WDPCP: variants seen among roughly 807,000 people sequenced by gnomAD.
The protein encoded by WDPCP is WD repeat containing planar cell polarity effector.
In WDPCP, 71 loss-of-function variants were observed where a neutral mutation model predicts 93.1. That is an observed-to-expected ratio of 0.76 (90% CI 0.63 to 0.93). WDPCP has a LOEUF of 0.93. WDPCP is among the 40% of genes least tolerant of loss of function. The probability of loss-of-function intolerance (pLI) is 0.00; values close to 1 mark genes in which losing one functional copy is unlikely to be tolerated. For synonymous variants in WDPCP, 315 were observed against 315.0 expected (o/e 1.00, Z 0.00); for missense variants, 844 against 887.4 (o/e 0.95, Z 0.62).
At chr2:63,604,000 T>C (rs935465219) in intron 3 of WDPCP, among the ~76,000 whole-genome samples, 1 of 152,238 alleles carries the variant, frequency 6.6e-6, no homozygotes, top group Non-Finnish European at 1.5e-5. Context: ...CTGTACTACA[T>C]GTGATTGCAA....
chr2:63,588,379 CCA>C lies in WDPCP; in HGVS notation c.-110_-109del, dbSNP rs1553442702. 12 of 1,299,880 alleles carry C rather than the reference CCA, an allele frequency of 9.2e-6. No individual in the cohort carries two copies. The highest frequency in any genetic ancestry group is 5.0e-5 in the East Asian group (2 of 39,798). 80.5% of individuals were successfully genotyped at this position (1,299,880 alleles called of 1,614,324 possible). A position where few individuals can be genotyped will look rare whatever the true frequency, so the allele number is the denominator to read the frequency against. On this transcript the variant is annotated 5_prime_UTR_variant, in exon 1 of 18. Coordinates refer to ENST00000272321, the MANE Select transcript of WDPCP (RefSeq NM_015910.7). ...GGTCTCCAGGACGCCGCCGCCGCCGCCACAGTTTCCTCAGGTGCTACAAAGCA... is the reference window on the plus strand; with the variant it reads ...GGTCTCCAGGACGCCGCCGCCGCCGCCAGTTTCCTCAGGTGCTACAAAGCA...
intron 7 of WDPCP, among the ~76,000 whole-genome samples, chr2:63,438,779 G>A (rs1257974883): frequency 6.6e-6 from 1 of 152,098 alleles, no homozygotes; most frequent in African/African-American, 2.4e-5. Flanking sequence ...GAACACAGCA[G>A]ACGGAAGATT....
At chr2:63,798,642 C>G (rs1000219453) in intron 2 of WDPCP, among the ~76,000 whole-genome samples, 1 of 151,734 alleles carries the variant, frequency 6.6e-6, no homozygotes, top group East Asian at 1.9e-4. Flanking sequence ...AATAGGAAGA[C>G]AGGAAGGAAA....
intron 12 of WDPCP, among the ~76,000 whole-genome samples, chr2:63,317,401 T>A (rs1482436163): frequency 6.7e-5 from 5 of 74,432 alleles, no homozygotes; most frequent in African/African-American, 2.2e-4. Context: ...AAAGTGAAAC[T>A]ACATCTCAAA....
chr2:63,428,744 T>C (rs1205440151), intron 9 of WDPCP, among the ~76,000 whole-genome samples: 1 of 151,754 alleles, frequency 6.6e-6, no homozygotes, highest in African/African-American at 2.4e-5. Context: ...TCACGCAAGA[T>C]TTTTCTACAC....
At position 63,622,059 on chromosome 2, in the gene WDPCP, C is replaced by CT. The variant is rs1558868596; in HGVS notation, n.488+28599dup. 28 of 543,878 alleles carry CT rather than the reference C, an allele frequency of 5.1e-5. No individual in the cohort carries two copies. The African/African-American group carries it at 7.3e-4, about 14-fold the overall frequency. The allele number at this position is 543,878 out of a possible 1,614,324, so 33.7% of individuals were successfully genotyped here. On this transcript the variant is annotated intron_variant and non_coding_transcript_variant, in intron 3 of 4. Coordinates refer to the WDPCP transcript ENST00000467687. ...CTCCCCTCACCCCTCAACATTCTTTCTTTTTTCTTTTTTTTTTTTTTTTTT... is the reference window on the plus strand; with the variant it reads ...CTCCCCTCACCCCTCAACATTCTTTCTTTTTTTCTTTTTTTTTTTTTTTTTT...
At chr2:63,227,781 G>C (rs900342742) in intron 14 of WDPCP, among the ~76,000 whole-genome samples, 1 of 152,072 alleles carries the variant, frequency 6.6e-6, no homozygotes, top group South Asian at 2.1e-4. Context: ...TGTGCTAATA[G>C]TAGTTATTTT....
intron 1 of WDPCP, 148 bp downstream of exon 1, chr2:63,588,049 C>A: frequency 1.0e-6 from 1 of 966,994 alleles, no homozygotes; most frequent in South Asian, 1.4e-5. Flanking sequence ...TAGCTGCATT[C>A]CCACAGCCCT....
rs1668997005 is a variant in WDPCP at position 63,698,660 on chromosome 2, T to A, written n.309-47822A>T. 2.6e-5 allele frequency among the ~76,000 whole-genome samples: 4 copies of A among 152,326 alleles called. No individual in the cohort carries two copies. In the South Asian group the frequency reaches 8.3e-4, roughly 32 times the overall value. On this transcript the variant is annotated intron_variant and non_coding_transcript_variant, in intron 2 of 4. Transcript: ENST00000467687. ...AGGAAATTTCACAAGTCATTTAAAA[T>A]TTAGTCACAGAATTTCCTGGCTAGC...
intron 9 of WDPCP, among the ~76,000 whole-genome samples, chr2:63,430,621 T>C (rs1810333): frequency 0.48 from 72,688 of 152,122 alleles, 17,963 homozygotes; most frequent in African/African-American, 0.6. Flanking sequence ...TGGTGGCTCA[T>C]GCCTGTAATC....
intron 3 of WDPCP, among the ~76,000 whole-genome samples, chr2:63,638,597 C>T (rs1376382955): frequency 6.6e-6 from 1 of 151,906 alleles, no homozygotes; most frequent in Admixed American, 6.6e-5. Context: ...TGAGACCAGT[C>T]TGGGCAATAT....
At chr2:63,296,409 A>C (rs1186084589) in intron 13 of WDPCP, among the ~76,000 whole-genome samples, 1 of 152,160 alleles carries the variant, frequency 6.6e-6, no homozygotes, top group Admixed American at 6.5e-5. Flanking sequence ...CACTCTCAGC[A>C]CTACTATTCA....
chr2:63,766,898 C>T (rs1005864025), intron 2 of WDPCP, among the ~76,000 whole-genome samples: 1 of 152,082 alleles, frequency 6.6e-6, no homozygotes, highest in African/African-American at 2.4e-5. Flanking sequence ...CAATAACTCC[C>T]ATTCCCTTCT....
chr2:63,121,869 A>C lies in WDPCP; in HGVS notation c.*137T>G. The C allele has an allele frequency of 6.8e-7, 1 of 1,463,230 alleles. No homozygotes were observed. Among genetic ancestry groups the C allele is most frequent in the Non-Finnish European group, 9.1e-7 (1 of 1,103,728 alleles). 90.6% of individuals were successfully genotyped at this position (1,463,230 alleles called of 1,614,324 possible). ...ATAAAACTTTATTTTGAAAACAAAC[A>C]CTCAACTCAAAACTCTTAACTAATT... On this transcript the variant is annotated 3_prime_UTR_variant, in exon 18 of 18. Transcript: ENST00000272321.
At chr2:63,412,874 G>C (rs1010445520) in intron 9 of WDPCP, among the ~76,000 whole-genome samples, 28 of 151,840 alleles carry the variant, frequency 1.8e-4, no homozygotes, top group African/African-American at 6.8e-4. Context: ...AATCATAGAT[G>C]ACACAAACAA....
chr2:63,539,608 C>T (rs1299184804), intron 1 of WDPCP, among the ~76,000 whole-genome samples: 1 of 152,084 alleles, frequency 6.6e-6, no homozygotes, highest in African/African-American at 2.4e-5. Flanking sequence ...AGCATTTGAA[C>T]TTGGGAGGAG....
intron 13 of WDPCP, among the ~76,000 whole-genome samples, chr2:63,292,058 G>A (rs1398082881): frequency 6.1e-5 from 9 of 148,128 alleles, no homozygotes; most frequent in South Asian, 4.3e-4. Flanking sequence ...GCGTGAACCC[G>A]GGAGGTGGAG....
intron 3 of WDPCP, among the ~76,000 whole-genome samples, chr2:63,640,201 G>C (rs569929072): frequency 1.7e-3 from 266 of 152,230 alleles, no homozygotes; most frequent in Non-Finnish European, 2.8e-3. Flanking sequence ...GTAGAGACGG[G>C]GTTTCACCGT....
intron 17 of WDPCP, among the ~76,000 whole-genome samples, chr2:63,143,935 C>T (rs1326245529): frequency 1.3e-5 from 2 of 152,142 alleles, no homozygotes; most frequent in African/African-American, 4.8e-5. Context: ...GATCTTTTTG[C>T]AATGAATTTT....
Sources: gnomAD v4.1 joint callset for allele counts (sites outside exome capture counted in the v4.1 genomes callset) on GRCh38, gnomAD v4.1.1 for gene constraint, MANE v1.5 for transcripts, NCBI Gene and HGNC (gene_info 2026-07-23, HGNC 2026-07-21) for gene names.